The following SLIT1 variants were observed in gnomAD, a reference collection of about 807,000 sequenced individuals.
SLIT1 encodes slit guidance ligand 1.
SLIT1 carries 66 observed loss-of-function variants against 186.1 expected under a neutral mutation model. That is an observed-to-expected ratio of 0.35 (90% CI 0.29 to 0.44). SLIT1 has a LOEUF of 0.44. Ranked by LOEUF, SLIT1 falls within the 20% of genes least tolerant of loss-of-function variation. The pLI is 1.00. For missense variants in SLIT1, 1,638 were observed against 2,037.4 expected (o/e 0.80, Z 3.77); for synonymous variants, 761 against 833.8 (o/e 0.91, Z 1.50).
chr10:97,161,022 G>C lies in SLIT1; in HGVS notation c.341+2358C>G, dbSNP rs1322289576. ...TTACAGGCATGAGCCACCGTGCCTG[G>C]CTGGTATGTGTGGTTTTTAATGACT... On this transcript the variant is annotated intron_variant, in intron 3 of 36. Coordinates refer to ENST00000266058, the MANE Select transcript of SLIT1 (RefSeq NM_003061.3). 2.0e-5 allele frequency among the ~76,000 whole-genome samples: 3 copies of C among 152,190 alleles called. No individual in the cohort carries two copies. In the East Asian group the frequency reaches 5.8e-4, roughly 29 times the overall value.
intron 4 of SLIT1, among the ~76,000 whole-genome samples, chr10:97,145,090 G>A (rs1440241024): frequency 2.0e-5 from 3 of 151,872 alleles, no homozygotes; most frequent in African/African-American, 4.8e-5. Flanking sequence ...GGTATGTGGG[G>A]GCATGTACAG....
chr10:97,113,330 CCAGGTT>C (rs1333468262), intron 4 of SLIT1, among the ~76,000 whole-genome samples: 2 of 152,122 alleles, frequency 1.3e-5, no homozygotes, highest in East Asian at 3.9e-4. Flanking sequence ...CCTCTGCCTC[CCAGGTT>C]CAAGCGACTG....
intron 18 of SLIT1, among the ~76,000 whole-genome samples, chr10:97,044,362 C>T (rs948021551): frequency 2.6e-5 from 4 of 152,104 alleles, no homozygotes; most frequent in African/African-American, 9.7e-5. Flanking sequence ...CACTACTGCA[C>T]CCCAGCTGCC....
At chr10:97,166,809 G>A (rs1253075206) in intron 1 of SLIT1, among the ~76,000 whole-genome samples, 4 of 152,040 alleles carry the variant, frequency 2.6e-5, no homozygotes, top group South Asian at 4.1e-4. Context: ...CTCACACAAC[G>A]CAAAAAAGTA....
At chr10:97,140,331 G>C (rs1054275325) in intron 4 of SLIT1, among the ~76,000 whole-genome samples, 12 of 152,098 alleles carry the variant, frequency 7.9e-5, no homozygotes, top group Non-Finnish European at 1.8e-4. Flanking sequence ...CTCTCAGGCC[G>C]GCCCCTCCCC....
At chr10:97,060,046 G>GT in intron 10 of SLIT1, 41 bp downstream of exon 10, 1 of 1,533,398 alleles carries the variant, frequency 6.5e-7, no homozygotes, top group Non-Finnish European at 9.0e-7. Flanking sequence ...ATCTCCGTCA[G>GT]CCCTGTACCA....
intron 4 of SLIT1, chr10:97,103,362 C>T (rs1171868629): frequency 6.6e-6 from 1 of 152,174 alleles, no homozygotes; most frequent in Non-Finnish European, 1.5e-5. Context: ...TGGGGCCACA[C>T]ATCTGCTGAA....
At position 97,090,630 on chromosome 10, in the gene SLIT1, T is replaced by C. The variant is rs187407272; in HGVS notation, c.414-24544A>G. On this transcript the variant is annotated intron_variant, in intron 4 of 36. Transcript: ENST00000266058. ...GCAGTGAAAGCAAGAAGCAACCCTC[T>C]TAACAGCCTTAAGAGGTAAAATTTT... Among the ~76,000 whole-genome samples the C allele has an allele frequency of 1.4e-4, 22 of 152,300 alleles. No homozygotes were observed. The East Asian group carries it at 3.7e-3, about 25-fold the overall frequency.
intron 4 of SLIT1, among the ~76,000 whole-genome samples, chr10:97,080,634 C>T (rs1849094555): frequency 6.6e-6 from 1 of 152,188 alleles, no homozygotes; most frequent in South Asian, 2.1e-4. Flanking sequence ...GGCGGGTTCA[C>T]TATAGTTCAA....
At chr10:97,114,547 T>G (rs1849493444) in intron 4 of SLIT1, among the ~76,000 whole-genome samples, 1 of 152,124 alleles carries the variant, frequency 6.6e-6, no homozygotes. Flanking sequence ...GAGTCCCAGC[T>G]ACTCTGGAGC....
rs1317062178 is a variant in SLIT1 at position 97,010,488 on chromosome 10, A to T, written c.3341+505T>A. On this transcript the variant is annotated intron_variant, in intron 31 of 36. Transcript: ENST00000266058. The surrounding 1 kb of genome is among the most constrained non-coding windows in gnomAD (Gnocchi z 4.8). ...AACATGTTCAAAATTGGTTGTGGTG[A>T]TGGATACACAACTCTGGGAATAAAC... Among the ~76,000 whole-genome samples, 1 of 152,232 alleles carries T rather than the reference A, an allele frequency of 6.6e-6. No homozygotes were observed. The highest frequency in any genetic ancestry group is 1.5e-5 in the Non-Finnish European group (1 of 68,032).
intron 4 of SLIT1, among the ~76,000 whole-genome samples, chr10:97,138,753 G>A (rs576916902): frequency 2.6e-5 from 4 of 152,154 alleles, no homozygotes; most frequent in South Asian, 2.1e-4. Flanking sequence ...TGAGGAAGGC[G>A]ATTATGCTGG....
chr10:97,140,307 T>G (rs1233502015), intron 4 of SLIT1, among the ~76,000 whole-genome samples: 3 of 152,140 alleles, frequency 2.0e-5, no homozygotes, highest in African/African-American at 4.8e-5. Context: ...CACTGCCTCT[T>G]TGTTACCCTG....
chr10:97,006,151 T>C lies in SLIT1; in HGVS notation c.3579+332A>G, dbSNP rs1378762411. ...AATCTGGCCACATTCCAGGCACACA[T>C]AGAAAGCCTGTCTGCAGCACTGGAG... On this transcript the variant is annotated intron_variant, in intron 32 of 36. Transcript: ENST00000266058. This position sits in a 1 kb window ranked among gnomAD's most constrained non-coding sequence, Gnocchi z 4.0. Among the ~76,000 whole-genome samples the C allele has an allele frequency of 2.0e-5, 3 of 152,072 alleles. No homozygotes were observed. The highest frequency in any genetic ancestry group is 2.1e-4 in the South Asian group (1 of 4,828).
rs1031652251 is a variant in SLIT1, at chr10:97,000,572, G to A, written c.*540C>T. 1.3e-4 allele frequency: 20 copies of A among 152,838 alleles called. No individual in the cohort carries two copies. Among genetic ancestry groups the A allele is most frequent in the African/African-American group, 3.6e-4 (15 of 41,474 alleles). The allele number at this position is 152,838 out of a possible 1,614,324, so 9.5% of individuals were successfully genotyped here. A position where few individuals can be genotyped will look rare whatever the true frequency, so the allele number is the denominator to read the frequency against. On this transcript the variant is annotated 3_prime_UTR_variant, in exon 37 of 37. Coordinates refer to ENST00000266058, the MANE Select transcript of SLIT1 (RefSeq NM_003061.3). ...CTGGCCAGCAGGAGGCGGCACCCCC[G>A]CTCCAGAGCCTGGCCTACCACCAGC...
chr10:97,056,579 G>T, intron 12 of SLIT1, 115 bp from the exon 13 acceptor site: 1 of 1,149,978 alleles, frequency 8.7e-7, no homozygotes. Flanking sequence ...GGAGCCCATC[G>T]GAGCAGGCCC....
chr10:97,130,502 C>T (rs1849643170), intron 4 of SLIT1, among the ~76,000 whole-genome samples: 2 of 152,114 alleles, frequency 1.3e-5, no homozygotes, highest in Non-Finnish European at 2.9e-5. Flanking sequence ...ATAAGCCAGT[C>T]GCAAAAGGAC....
chr10:97,166,599 GAA>G (rs1191434577), intron 1 of SLIT1, among the ~76,000 whole-genome samples: 1 of 70,534 alleles, frequency 1.4e-5, no homozygotes, highest in Non-Finnish European at 2.9e-5. Context: ...AAGAAAGAAA[GAA>G]AGAAAGAAAG....
At chr10:97,035,176 T>C (rs937233652) in intron 22 of SLIT1, among the ~76,000 whole-genome samples, 1 of 152,176 alleles carries the variant, frequency 6.6e-6, no homozygotes, top group Non-Finnish European at 1.5e-5. Context: ...CCGACTGTCT[T>C]TGGGGGCCTT....
Sources: gnomAD v4.1 joint callset for allele counts (sites outside exome capture counted in the v4.1 genomes callset) on GRCh38, gnomAD v4.1.1 for gene constraint, Gnocchi (gnomAD v3.1) non-coding constraint, MANE v1.5 for transcripts, NCBI Gene and HGNC (gene_info 2026-07-23, HGNC 2026-07-21) for gene names.